Variants in ADAM22 observed in about 807,000 individuals in gnomAD.
The protein encoded by ADAM22 is disintegrin and metalloproteinase domain-containing protein 22.
A neutral mutation model predicts 144.6 loss-of-function variants in ADAM22; 65 were observed. The observed-to-expected ratio is 0.45, with a 90% confidence interval of 0.37 to 0.55. ADAM22 has a LOEUF of 0.55. Ranked by LOEUF, ADAM22 falls within the 20% of genes least tolerant of loss-of-function variation. The probability of loss-of-function intolerance (pLI) is 0.00; values close to 1 mark genes in which losing one functional copy is unlikely to be tolerated. For missense variants in ADAM22, 974 were observed against 1,184.9 expected, an observed-to-expected ratio of 0.82 and a Z score of 2.61; for synonymous variants, 391 against 412.6, an observed-to-expected ratio of 0.95 and a Z score of 0.63.
At chr7:87,992,451 T>A (rs1461329355) in intron 3 of ADAM22, among the ~76,000 whole-genome samples, 1 of 152,222 alleles carries the variant, frequency 6.6e-6, no homozygotes, top group East Asian at 1.9e-4. Context: ...AAGTGAATGT[T>A]AACGTTAGTA....
At chr7:88,074,784 G>A (rs1813771691) in intron 3 of ADAM22, among the ~76,000 whole-genome samples, 1 of 152,152 alleles carries the variant, frequency 6.6e-6, no homozygotes, top group South Asian at 2.1e-4. Flanking sequence ...TAGGCATGGT[G>A]CTTATCATGA....
rs1186483279 is a variant in ADAM22, at chr7:88,127,088, ATG to A, written c.678+1437_678+1438del. ...TATATATATACTCATATATAAACAT[ATG>A]TGTGTGTATATATATATATATGAAT... On this transcript the variant is annotated intron_variant, in intron 8 of 31. Transcript: ENST00000413139. 2.0e-5 allele frequency among the ~76,000 whole-genome samples: 3 copies of A among 151,430 alleles called. No homozygotes were observed. The Admixed American group carries it at 2.0e-4, about 10-fold the overall frequency.
At chr7:88,099,195 T>G (rs1237733578) in intron 4 of ADAM22, among the ~76,000 whole-genome samples, 1 of 152,204 alleles carries the variant, frequency 6.6e-6, no homozygotes, top group African/African-American at 2.4e-5. Flanking sequence ...TCAACAACTC[T>G]GAAAGTCTGA....
intron 3 of ADAM22, among the ~76,000 whole-genome samples, chr7:88,045,998 G>C (rs1000451719): frequency 2.7e-5 from 4 of 148,390 alleles, no homozygotes; most frequent in African/African-American, 7.4e-5. Flanking sequence ...CCATATCTTA[G>C]GTATTGCGAA....
chr7:88,044,899 A>G (rs535401422), intron 3 of ADAM22, among the ~76,000 whole-genome samples: 127 of 149,094 alleles, frequency 8.5e-4, no homozygotes, highest in African/African-American at 2.9e-3. Flanking sequence ...TAATTTTTGT[A>G]TTTTTAGTAG....
At chr7:88,027,603 G>T (rs949244490) in intron 3 of ADAM22, among the ~76,000 whole-genome samples, 15 of 151,792 alleles carry the variant, frequency 9.9e-5, no homozygotes, top group Non-Finnish European at 1.2e-4. Flanking sequence ...CCCCCATTAG[G>T]CTGGCTAAAG....
chr7:88,143,043 A>G lies in ADAM22; in HGVS notation c.1238A>G (p.Lys413Arg), dbSNP rs771850248. ...MGDTGYYLPKKFTQCNIEEYH... is the reference protein window; with the variant it reads ...MGDTGYYLPKRFTQCNIEEYH... ...TTTTATAGCTATTATCTTCCTAAAAAGTTCACCCAGTGTAATATTGAAGAG... is the reference window on the plus strand; with the variant it reads ...TTTTATAGCTATTATCTTCCTAAAAGGTTCACCCAGTGTAATATTGAAGAG... The change falls in exon 15 of 32, where the codon AAG becomes AGG. Residue 413 changes from lysine to arginine, a missense_variant. Lys to Arg is a conservative substitution (Grantham distance 26, BLOSUM62 2). Transcript: ENST00000413139. 1 of 1,610,392 alleles carries G rather than the reference A, an allele frequency of 6.2e-7. No individual in the cohort carries two copies. The highest frequency in any genetic ancestry group is 1.1e-5 in the South Asian group (1 of 90,330).
intron 30 of ADAM22, among the ~76,000 whole-genome samples, chr7:88,192,769 A>G (rs1343893434): frequency 4.6e-5 from 7 of 152,238 alleles, no homozygotes; most frequent in Non-Finnish European, 8.8e-5. Flanking sequence ...CACAATATTA[A>G]TATTTTATAC....
At chr7:88,194,882 G>A (rs1397354251) in intron 31 of ADAM22, among the ~76,000 whole-genome samples, 4 of 152,094 alleles carry the variant, frequency 2.6e-5, no homozygotes, top group African/African-American at 9.7e-5. Context: ...AGATATTCCT[G>A]TGGTTTACAA....
chr7:88,095,527 T>C (rs542873137), intron 4 of ADAM22, among the ~76,000 whole-genome samples: 22 of 152,266 alleles, frequency 1.4e-4, no homozygotes, highest in Non-Finnish European at 2.8e-4. Flanking sequence ...AAATAAAAAC[T>C]GATAGCCTTA....
intron 2 of ADAM22, among the ~76,000 whole-genome samples, chr7:87,943,510 A>AATAGAGTACAAC (rs1327198799): frequency 2.0e-5 from 3 of 152,186 alleles, no homozygotes; most frequent in Non-Finnish European, 4.4e-5. Flanking sequence ...ATATAATTAA[A>AATAGAGTACAAC]ATAGAGTACA....
intron 3 of ADAM22, among the ~76,000 whole-genome samples, chr7:87,988,517 A>C (rs1788994717): frequency 6.6e-6 from 1 of 152,164 alleles, no homozygotes; most frequent in South Asian, 2.1e-4. Context: ...ATATATATTA[A>C]GTTAGTGTTT....
intron 3 of ADAM22, among the ~76,000 whole-genome samples, chr7:87,982,768 C>T (rs182005489): frequency 0.019 from 2,791 of 144,632 alleles, 49 homozygotes; most frequent in Non-Finnish European, 0.03. Flanking sequence ...AATCTTGGCT[C>T]ACCACAATCT....
intron 5 of ADAM22, among the ~76,000 whole-genome samples, chr7:88,109,508 G>A (rs1220403198): frequency 1.3e-5 from 2 of 151,666 alleles, no homozygotes; most frequent in Non-Finnish European, 2.9e-5. Flanking sequence ...TTAAATTTTC[G>A]TTGAGAAACT....
rs542490302 is a variant in ADAM22, at chr7:87,954,365, T to C, written c.246+19179T>C. The stretch of plus-strand genomic sequence containing the variant: ...GGTGACAAAATCTCTCAGCATTTGC[T>C]TGTCTGTAAAGTATTTTATTTCTCC... On this transcript the variant is annotated intron_variant, in intron 2 of 31. Coordinates refer to ENST00000413139, the MANE Select transcript of ADAM22 (RefSeq NM_001324418.2). 5.7e-4 allele frequency among the ~76,000 whole-genome samples: 87 copies of C among 152,290 alleles called. 1 individual carries two copies. Among genetic ancestry groups the C allele is most frequent in the African/African-American group, 2.0e-3 (82 of 41,546 alleles).
chr7:88,156,128 G>A (rs1052547087), intron 22 of ADAM22, 122 bp downstream of exon 22: 14 of 1,003,262 alleles, frequency 1.4e-5, no homozygotes, highest in Non-Finnish European at 1.9e-5. Flanking sequence ...CTAGTCTATA[G>A]AGACGATTGA....
chr7:88,019,665 C>G (rs1797295115), intron 3 of ADAM22, among the ~76,000 whole-genome samples: 2 of 152,010 alleles, frequency 1.3e-5, no homozygotes, highest in Middle Eastern at 3.4e-3. Context: ...TTGGCCAACA[C>G]GGTAAAACCC....
At chr7:88,194,873 G>C (rs1197620568) in intron 31 of ADAM22, among the ~76,000 whole-genome samples, 1 of 152,110 alleles carries the variant, frequency 6.6e-6, no homozygotes, top group Non-Finnish European at 1.5e-5. Flanking sequence ...TCACAGTTCA[G>C]ATATTCCTGT....
At chr7:88,192,332 G>C (rs1849802902) in intron 30 of ADAM22, among the ~76,000 whole-genome samples, 1 of 152,162 alleles carries the variant, frequency 6.6e-6, no homozygotes, top group Non-Finnish European at 1.5e-5. Context: ...TTACTCAGCT[G>C]TTTTCTTTTT....
Sources: allele counts gnomAD v4.1 joint callset (sites outside exome capture counted in the v4.1 genomes callset), GRCh38; gene constraint gnomAD v4.1.1; transcripts MANE v1.5; gene names NCBI Gene and HGNC (gene_info 2026-07-23, HGNC 2026-07-21).